Variants in ACCSL observed in about 807,000 individuals in gnomAD.
ACCSL encodes the protein probable inactive 1-aminocyclopropane-1-carboxylate synthase-like protein 2.
A neutral mutation model predicts 61.7 loss-of-function variants in ACCSL; 55 were observed. The observed-to-expected ratio is 0.89, with a 90% CI of 0.72 to 1.12. The LOEUF (loss-of-function observed/expected upper bound fraction) is 1.12. Ranked by LOEUF, ACCSL falls within the 50% of genes most tolerant of loss-of-function variation. The pLI, the probability that ACCSL is intolerant of heterozygous loss-of-function variation, is 0.00. For missense variants in ACCSL, 632 were observed against 698.0 expected, an observed-to-expected ratio of 0.91 and a Z score of 1.07; for synonymous variants, 258 against 264.3, an observed-to-expected ratio of 0.98 and a Z score of 0.23.
At chr11:44,029,957 C>G in the ACCSL span, among the ~76,000 whole-genome samples, 21 of 144,532 alleles carry the variant, frequency 1.5e-4, no homozygotes, top group Admixed American at 1.4e-3. Context: ...AACCAGGGTC[C>G]CCTGGGCCTT....
the ACCSL span, among the ~76,000 whole-genome samples, chr11:43,967,058 C>T: frequency 6.6e-6 from 1 of 151,740 alleles, no homozygotes; most frequent in African/African-American, 2.4e-5. Context: ...TTCTATCCTC[C>T]ATTTCCATTA....
the ACCSL span, among the ~76,000 whole-genome samples, chr11:43,948,599 G>T: frequency 1.2e-4 from 18 of 152,100 alleles, no homozygotes; most frequent in Non-Finnish European, 2.1e-4. Context: ...TCAGCTTCCT[G>T]AGTAGTCAGC....
the ACCSL span, among the ~76,000 whole-genome samples, chr11:43,999,114 T>A: frequency 1.3e-5 from 2 of 152,142 alleles, no homozygotes; most frequent in Admixed American, 1.3e-4. Flanking sequence ...GTTGCGAGGA[T>A]GAAATGAGAT....
At chr11:44,000,113 C>G in the ACCSL span, among the ~76,000 whole-genome samples, 1 of 152,020 alleles carries the variant, frequency 6.6e-6, no homozygotes, top group Non-Finnish European at 1.5e-5. Flanking sequence ...AACCCTGCCT[C>G]TATTTTTCTT....
the ACCSL span, among the ~76,000 whole-genome samples, chr11:43,948,383 T>C: frequency 1.3e-5 from 2 of 152,212 alleles, no homozygotes; most frequent in African/African-American, 4.8e-5. Context: ...TCAGGCATTT[T>C]ACAGGTGAGA....
chr11:43,993,457 C>T, the ACCSL span, among the ~76,000 whole-genome samples: 20 of 152,118 alleles, frequency 1.3e-4, no homozygotes, highest in Non-Finnish European at 1.9e-4. Context: ...CCTGGCCGCT[C>T]GGATGGTTGC....
intron 4 of ACCSL, 35 bp downstream of exon 4, chr11:44,051,439 TG>T: frequency 6.2e-7 from 1 of 1,611,368 alleles, no homozygotes; most frequent in Non-Finnish European, 8.5e-7. Context: ...GCCACCCTGG[TG>T]GAGGGCTATA....
chr11:43,934,688 C>T, the ACCSL span, among the ~76,000 whole-genome samples: 1 of 152,270 alleles, frequency 6.6e-6, no homozygotes, highest in East Asian at 1.9e-4. Context: ...GCTAGGGCAA[C>T]AGCAGCTGTG....
the ACCSL span, among the ~76,000 whole-genome samples, chr11:44,007,767 G>T: frequency 6.6e-6 from 1 of 152,212 alleles, no homozygotes; most frequent in Non-Finnish European, 1.5e-5. Flanking sequence ...CTGGTTTGTG[G>T]TGTAGATTAC....
chr11:44,013,512 C>T, the ACCSL span, among the ~76,000 whole-genome samples: 18 of 152,282 alleles, frequency 1.2e-4, no homozygotes, highest in African/African-American at 4.1e-4. Flanking sequence ...AGGCTGGTCT[C>T]GAACCCCTGA....
Position 44,051,423 on chromosome 11 carries a change from C to T in ACCSL, c.705+19C>T. ...AGAAAATGTGAGTCAGTTTCCCAGC[C>T]TTGCTGCCACCCTGGTGGAGGGCTA... On this transcript the variant is annotated intron_variant, in intron 4 of 13. Transcript: ENST00000378832. 1 of 1,613,928 alleles carries T rather than the reference C, an allele frequency of 6.2e-7. No individual in the cohort carries two copies. Among genetic ancestry groups the T allele is most frequent in the Non-Finnish European group, 8.5e-7 (1 of 1,179,802 alleles).
chr11:44,026,397 T>A, the ACCSL span, among the ~76,000 whole-genome samples: 1,741 of 152,342 alleles, frequency 0.011, 27 homozygotes, highest in Non-Finnish European at 0.015. Context: ...TCTACCTCTT[T>A]ATTGATATTC....
chr11:44,013,455 C>T, the ACCSL span, among the ~76,000 whole-genome samples: 1 of 151,402 alleles, frequency 6.6e-6, no homozygotes, highest in Non-Finnish European at 1.5e-5. Context: ...AATTTTTGTA[C>T]TTTTAGTAGA....
chr11:43,976,546 C>G, the ACCSL span, among the ~76,000 whole-genome samples: 22 of 152,274 alleles, frequency 1.4e-4, no homozygotes, highest in African/African-American at 5.1e-4. Flanking sequence ...TTATTTCTGG[C>G]TCATAAAGTC....
chr11:44,018,853 T>A, the ACCSL span, among the ~76,000 whole-genome samples: 11 of 152,334 alleles, frequency 7.2e-5, no homozygotes, highest in South Asian at 1.9e-3. Flanking sequence ...CCTTAAAATA[T>A]ACAATTCAGC....
the ACCSL span, among the ~76,000 whole-genome samples, chr11:43,969,671 A>T: frequency 6.6e-6 from 1 of 152,174 alleles, no homozygotes; most frequent in South Asian, 2.1e-4. Context: ...CTGACTTCGC[A>T]GAGCCTGCCA....
At chr11:43,999,536 A>G in the ACCSL span, among the ~76,000 whole-genome samples, 1 of 152,132 alleles carries the variant, frequency 6.6e-6, no homozygotes, top group African/African-American at 2.4e-5. Flanking sequence ...GGTGGTCCTC[A>G]GCTCCTTGTC....
At chr11:43,926,652 C>A in the ACCSL span, 3 of 313,058 alleles carry the variant, frequency 9.6e-6, no homozygotes, top group Admixed American at 4.4e-5. Flanking sequence ...CTCCTTACTA[C>A]AAAAGAGGTT....
chr11:44,010,235 GA>G, the ACCSL span, among the ~76,000 whole-genome samples: 1 of 152,166 alleles, frequency 6.6e-6, no homozygotes, highest in African/African-American at 2.4e-5. Context: ...AGCTACTCGG[GA>G]GGCTGAGGCA....
Sources: gnomAD v4.1 joint callset for allele counts (sites outside exome capture counted in the v4.1 genomes callset) on GRCh38, gnomAD v4.1.1 for gene constraint, MANE v1.5 for transcripts, NCBI Gene and HGNC (gene_info 2026-07-23, HGNC 2026-07-21) for gene names.